NPAS3: variants seen among roughly 807,000 people sequenced by gnomAD.
The protein encoded by NPAS3 is neuronal PAS domain protein 3.
Under a neutral mutation model 73.1 loss-of-function variants are expected in NPAS3, and 14 were observed. That is an observed-to-expected ratio of 0.19 (90% CI 0.13 to 0.30). NPAS3 has a LOEUF of 0.30. Ranked by LOEUF, NPAS3 falls within the 10% of genes least tolerant of loss-of-function variation. NPAS3 has a pLI of 1.00. For missense variants in NPAS3, 1,096 were observed against 1,250.0 expected (o/e 0.88, Z 1.86); for synonymous variants, 620 against 541.5 (o/e 1.14, Z -2.01).
chr14:32,938,465 G>GAGAGAGAGAGAGAAAT (rs2035775997), upstream of NPAS3, among the ~76,000 whole-genome samples: 2 of 120,334 alleles, frequency 1.7e-5, no homozygotes, highest in East Asian at 2.4e-4. Flanking sequence ...GAAAGAGAGA[G>GAGAGAGAGAGAGAAAT]AGAGAGAGAG....
At chr14:33,426,221 T>G (rs1184319640) in intron 4 of NPAS3, among the ~76,000 whole-genome samples, 2 of 152,002 alleles carry the variant, frequency 1.3e-5, no homozygotes, top group Admixed American at 6.6e-5. Context: ...ACCTCCATGT[T>G]AAGAAGAAAG....
rs572494877 is a variant in NPAS3 at position 33,157,723 on chromosome 14, G to A, written c.141-57459G>A. ...TGGAATATGTACCTTATGTAAGACCGGGTACAATTGTGTTTATTAACAAGT... is the reference window on the plus strand; with the variant it reads ...TGGAATATGTACCTTATGTAAGACCAGGTACAATTGTGTTTATTAACAAGT... On this transcript the variant is annotated intron_variant, in intron 2 of 11. Transcript: ENST00000356141. Among the ~76,000 whole-genome samples, 16 of 152,202 alleles carry A rather than the reference G, an allele frequency of 1.1e-4. No individual in the cohort carries two copies. The South Asian group carries it at 3.3e-3, about 32-fold the overall frequency.
intron 6 of NPAS3, among the ~76,000 whole-genome samples, chr14:33,718,138 G>A (rs187927546): frequency 1.3e-5 from 2 of 152,100 alleles, no homozygotes; most frequent in African/African-American, 2.4e-5. Flanking sequence ...CTACGATGTG[G>A]TTATAAGAAT....
chr14:33,308,341 A>G (rs1200717634), intron 3 of NPAS3, among the ~76,000 whole-genome samples: 5 of 152,030 alleles, frequency 3.3e-5, no homozygotes, highest in African/African-American at 4.8e-5. Flanking sequence ...TTCATGTTCA[A>G]TATTGTCCAG....
chr14:33,374,173 C>CTG (rs1216351153), intron 4 of NPAS3, among the ~76,000 whole-genome samples: 2 of 152,074 alleles, frequency 1.3e-5, no homozygotes, highest in East Asian at 3.8e-4. Context: ...TGTTGTCAAC[C>CTG]TCAGTGAGCT....
intron 4 of NPAS3, among the ~76,000 whole-genome samples, chr14:33,479,637 A>T (rs1483241133): frequency 6.6e-6 from 1 of 152,230 alleles, no homozygotes; most frequent in Non-Finnish European, 1.5e-5. Context: ...TGGCAGCATC[A>T]AAAGAACACC....
chr14:32,953,104 CA>C (rs548082187), intron 1 of NPAS3, among the ~76,000 whole-genome samples: 2 of 125,476 alleles, frequency 1.6e-5, no homozygotes, highest in African/African-American at 6.0e-5. Flanking sequence ...CAAACAACAA[CA>C]AAAAACCCCA....
intron 4 of NPAS3, among the ~76,000 whole-genome samples, chr14:33,488,817 T>C (rs1048973921): frequency 1.3e-5 from 2 of 152,178 alleles, no homozygotes; most frequent in African/African-American, 4.8e-5. Context: ...TAGTTTACAT[T>C]CTCACCCATT....
At chr14:33,500,422 C>A (rs2052455357) in intron 4 of NPAS3, among the ~76,000 whole-genome samples, 1 of 151,866 alleles carries the variant, frequency 6.6e-6, no homozygotes, top group Admixed American at 6.6e-5. Flanking sequence ...TTTCCCAAGT[C>A]CGATCAGTGC....
intron 2 of NPAS3, among the ~76,000 whole-genome samples, chr14:33,068,340 A>G (rs2041353226): frequency 6.6e-6 from 1 of 152,194 alleles, no homozygotes; most frequent in African/African-American, 2.4e-5. Context: ...AAACATTTCC[A>G]TTCATTCTTG....
At chr14:33,397,374 T>C (rs115463676) in intron 4 of NPAS3, among the ~76,000 whole-genome samples, 2,586 of 152,210 alleles carry the variant, frequency 0.017, 66 homozygotes, top group African/African-American at 0.059. Flanking sequence ...GTTATTTATA[T>C]GAAGAAACTG....
At chr14:33,544,588 G>A (rs940088217) in intron 4 of NPAS3, among the ~76,000 whole-genome samples, 2 of 151,100 alleles carry the variant, frequency 1.3e-5, no homozygotes, top group African/African-American at 4.9e-5. Flanking sequence ...CAAAAAAGGT[G>A]AGCCACACCC....
intron 4 of NPAS3, among the ~76,000 whole-genome samples, chr14:33,428,075 A>G (rs2048629313): frequency 6.6e-6 from 1 of 152,054 alleles, no homozygotes; most frequent in South Asian, 2.1e-4. Context: ...CTCAATACAT[A>G]ATAACTTAGA....
At position 33,746,171 on chromosome 14, in the gene NPAS3, TTTTATTTA is replaced by T. The variant is rs528860081; in HGVS notation, c.852+10863_852+10870del. Reference sequence around the variant, plus strand: ...TATTGACTCATTCTTTTTTATTTTATTTTATTTATTTATTTATTTATTTATTTATTTTT... The same window carrying T: ...TATTGACTCATTCTTTTTTATTTTATTTTATTTATTTATTTATTTATTTTT... On this transcript the variant is annotated intron_variant, in intron 7 of 11. Transcript: ENST00000356141. Among the ~76,000 whole-genome samples, 65 of 144,458 alleles carry T rather than the reference TTTTATTTA, an allele frequency of 4.5e-4. No homozygotes were observed. The South Asian group carries it at 0.011, about 25-fold the overall frequency. 94.8% of individuals were successfully genotyped at this position (144,458 alleles called of 152,430 possible).
At chr14:33,297,937 A>G (rs2042369715) in intron 3 of NPAS3, among the ~76,000 whole-genome samples, 1 of 152,162 alleles carries the variant, frequency 6.6e-6, no homozygotes, top group Non-Finnish European at 1.5e-5. Context: ...AAAGGTGCAC[A>G]TACTGGAGAT....
intron 4 of NPAS3, among the ~76,000 whole-genome samples, chr14:33,495,472 G>A (rs1442053074): frequency 6.6e-6 from 1 of 152,080 alleles, no homozygotes; most frequent in Non-Finnish European, 1.5e-5. Context: ...GGAGAGTTCT[G>A]TAGATGTCTA....
intron 2 of NPAS3, among the ~76,000 whole-genome samples, chr14:33,057,631 C>G (rs2040937922): frequency 6.6e-6 from 1 of 152,158 alleles, no homozygotes; most frequent in South Asian, 2.1e-4. Context: ...GTAAGGCTTC[C>G]CTGCTAGCTG....
intron 4 of NPAS3, among the ~76,000 whole-genome samples, chr14:33,413,002 T>C (rs1566880071): frequency 6.6e-6 from 1 of 152,202 alleles, no homozygotes; most frequent in Admixed American, 6.5e-5. Context: ...GAAATTACTT[T>C]TTTAAAAATA....
At chr14:33,019,379 T>C (rs1164518398) in intron 1 of NPAS3, among the ~76,000 whole-genome samples, 1 of 152,242 alleles carries the variant, frequency 6.6e-6, no homozygotes, top group Admixed American at 6.5e-5. Flanking sequence ...CATAATGCTG[T>C]CATTAAGGCT....
Sources: allele counts gnomAD v4.1 joint callset (sites outside exome capture counted in the v4.1 genomes callset), GRCh38; gene constraint gnomAD v4.1.1; transcripts MANE v1.5; gene names NCBI Gene and HGNC (gene_info 2026-07-23, HGNC 2026-07-21).